Variants in CNBD2 observed in about 807,000 individuals in gnomAD.
The protein encoded by CNBD2 is cyclic nucleotide binding domain containing 2.
CNBD2 carries 64 observed loss-of-function variants against 63.7 expected under a neutral mutation model. That is an observed-to-expected ratio of 1.00 (90% CI 0.82 to 1.24). The LOEUF (loss-of-function observed/expected upper bound fraction) is 1.24, where lower values mean the gene tolerates loss of function less well. Among genes scored for constraint, CNBD2 ranks in the 50% most tolerant of loss-of-function variants. CNBD2 has a pLI of 0.00. For missense variants in CNBD2, 691 were observed against 713.5 expected, an observed-to-expected ratio of 0.97 and a Z score of 0.36; for synonymous variants, 229 against 255.4, an observed-to-expected ratio of 0.90 and a Z score of 0.99.
intron 11 of CNBD2, 150 bp downstream of exon 11, chr20:36,023,921 TC>T: frequency 3.4e-6 from 2 of 586,248 alleles, no homozygotes; most frequent in South Asian, 5.7e-5. Flanking sequence ...ATAGGCTCAA[TC>T]CTTTTGATAA....
chr20:35,977,125 CCTAT>C (rs1457039921), intron 3 of CNBD2, among the ~76,000 whole-genome samples: 1 of 152,188 alleles, frequency 6.6e-6, no homozygotes, highest in Non-Finnish European at 1.5e-5. Flanking sequence ...AAACTAGGGG[CCTAT>C]CTGAGAGCCA....
In CNBD2 at chr20:35,987,475, A is replaced by G; in HGVS notation, c.797A>G (p.Tyr266Cys). Residue 266 changes from tyrosine (Y) to cysteine (C), a missense_variant, in exon 7 of 12, where the codon TAT becomes TGT. By Grantham distance (194) the Tyr-to-Cys change is radical. Coordinates refer to ENST00000373973, the MANE Select transcript of CNBD2 (RefSeq NM_001365709.1). Reference sequence around the variant, plus strand: ...ATGGCGAAGATAGAGAGGTTCTCGTATGGGCAGCTGATCTCAAAAGATTTT... The same window carrying G: ...ATGGCGAAGATAGAGAGGTTCTCGTGTGGGCAGCTGATCTCAAAAGATTTT... ...VAMAKIERFS[Y>C]GQLISKDFGE... 1 of 1,614,226 alleles carries G rather than the reference A, an allele frequency of 6.2e-7. No individual in the cohort carries two copies. The highest frequency in any genetic ancestry group is 8.5e-7 in the Non-Finnish European group (1 of 1,180,040).
intron 10 of CNBD2, among the ~76,000 whole-genome samples, chr20:36,012,292 C>T (rs1038578804): frequency 1.3e-5 from 2 of 149,256 alleles, no homozygotes; most frequent in Non-Finnish European, 3.0e-5. Flanking sequence ...AAGAGTGAAA[C>T]TCCGTCTCCA....
chr20:35,974,617 T>G lies in CNBD2; in HGVS notation c.190-1332T>G, dbSNP rs1347749996. ...GACTGCTTCAGTAGATGTGTGAATC[T>G]GGATGTTTCTGAGCACTGCCTCTTT... On this transcript the variant is annotated intron_variant, in intron 2 of 11. Coordinates refer to ENST00000373973, the MANE Select transcript of CNBD2 (RefSeq NM_001365709.1). The G allele has an allele frequency of 5.2e-5, 8 of 153,036 alleles. No individual in the cohort carries two copies. In the Admixed American group the frequency reaches 5.2e-4, roughly 10 times the overall value. 9.5% of individuals were successfully genotyped at this position (153,036 alleles called of 1,614,324 possible).
chr20:36,006,828 C>T (rs923511436), intron 8 of CNBD2, among the ~76,000 whole-genome samples: 3 of 152,192 alleles, frequency 2.0e-5, no homozygotes, highest in African/African-American at 7.2e-5. Flanking sequence ...TCACCCTTGC[C>T]CTAGGCAACC....
intron 8 of CNBD2, among the ~76,000 whole-genome samples, chr20:36,001,950 C>A (rs1468497456): frequency 2.1e-5 from 3 of 145,086 alleles, no homozygotes; most frequent in African/African-American, 7.7e-5. Context: ...ACGTCCCAGA[C>A]GATGGGCGGC....
At chr20:35,997,354 C>CA (rs111895808) in intron 8 of CNBD2, among the ~76,000 whole-genome samples, 5,452 of 152,168 alleles carry the variant, frequency 0.036, 348 homozygotes, top group African/African-American at 0.13. Flanking sequence ...CACAGGGTGG[C>CA]GAGGAGAAGG....
In CNBD2 at chr20:35,987,283, T is replaced by C. The variant is rs960138853; in HGVS notation, c.717-112T>C. 17 of 1,225,298 alleles carry C rather than the reference T, an allele frequency of 1.4e-5. No individual in the cohort carries two copies. In the African/African-American group the frequency reaches 2.4e-4, roughly 17 times the overall value. The allele number at this position is 1,225,298 out of a possible 1,614,324, so 75.9% of individuals were successfully genotyped here. A position where few individuals can be genotyped will look rare whatever the true frequency, so the allele number is the denominator to read the frequency against. ...GGTAATTGGGCAGGTAGCAGCGAAA[T>C]CTTCCACCCAGGCATCCTCCACAGG... On this transcript the variant is annotated intron_variant, in intron 6 of 11. Coordinates refer to ENST00000373973, the MANE Select transcript of CNBD2 (RefSeq NM_001365709.1).
intron 8 of CNBD2, among the ~76,000 whole-genome samples, chr20:35,999,416 T>A (rs1321731251): frequency 6.6e-6 from 1 of 152,208 alleles, no homozygotes; most frequent in Admixed American, 6.5e-5. Flanking sequence ...TTTGTATAAT[T>A]CAATCTTATT....
chr20:36,001,738 G>A (rs1031635053), intron 8 of CNBD2, among the ~76,000 whole-genome samples: 1 of 150,538 alleles, frequency 6.6e-6, no homozygotes, highest in Non-Finnish European at 1.5e-5. Flanking sequence ...CCGGGTAGAG[G>A]CGCTCCTCAC....
intron 11 of CNBD2, among the ~76,000 whole-genome samples, chr20:36,027,083 C>T (rs1030863081): frequency 6.6e-6 from 1 of 152,208 alleles, no homozygotes; most frequent in Non-Finnish European, 1.5e-5. Flanking sequence ...TCCAGCAATC[C>T]CAGTTAGCAT....
chr20:35,981,185 C>G (rs1158308626), intron 4 of CNBD2, among the ~76,000 whole-genome samples: 1 of 152,158 alleles, frequency 6.6e-6, no homozygotes, highest in Non-Finnish European at 1.5e-5. Flanking sequence ...GGTTCTAGCT[C>G]TGACTTGATT....
chr20:36,011,562 G>A (rs1601088816), intron 10 of CNBD2, among the ~76,000 whole-genome samples: 1 of 152,086 alleles, frequency 6.6e-6, no homozygotes, highest in East Asian at 1.9e-4. Context: ...GTGTACGCCT[G>A]TAATCCCAGC....
rs545725521 is a variant in CNBD2 at position 36,022,974 on chromosome 20, G to T, written c.1270-628G>T. 3.3e-5 allele frequency among the ~76,000 whole-genome samples: 5 copies of T among 152,104 alleles called. No homozygotes were observed. The South Asian group carries it at 6.2e-4, about 19-fold the overall frequency. ...TAAGGAAGAGAAAAGAGATTTGCTC[G>T]ACAAAAACAAAAACAAAAACAAAAC... On this transcript the variant is annotated intron_variant, in intron 10 of 11. Transcript: ENST00000373973.
Position 36,009,303 on chromosome 20 carries a change from G to A in CNBD2, c.1148+829G>A, listed in dbSNP as rs1049952567. On this transcript the variant is annotated intron_variant, in intron 9 of 11. Transcript: ENST00000373973. ...TGTAAGCTCCGCCTCCCGGGTTCAC[G>A]CCATTTTCCTGCCTCAGCCTCCCGA... Among the ~76,000 whole-genome samples, 15 of 151,556 alleles carry A rather than the reference G, an allele frequency of 9.9e-5. No homozygotes were observed. The East Asian group carries it at 2.4e-3, about 24-fold the overall frequency.
intron 6 of CNBD2, among the ~76,000 whole-genome samples, chr20:35,985,824 C>T (rs1415214441): frequency 6.6e-6 from 1 of 152,128 alleles, no homozygotes; most frequent in African/African-American, 2.4e-5. Context: ...AATTTCTTTA[C>T]AGTTTATATA....
chr20:36,018,803 G>A (rs966513005), intron 10 of CNBD2, among the ~76,000 whole-genome samples: 3 of 152,226 alleles, frequency 2.0e-5, no homozygotes, highest in Admixed American at 6.5e-5. Flanking sequence ...GAGGTGGCAA[G>A]CAGCATTTCT....
At chr20:36,005,872 A>G (rs2056977102) in intron 8 of CNBD2, among the ~76,000 whole-genome samples, 2 of 151,432 alleles carry the variant, frequency 1.3e-5, no homozygotes, top group South Asian at 4.2e-4. Flanking sequence ...AATGGTGTGA[A>G]CTTGGGAGGT....
In CNBD2 at chr20:35,976,020, C is replaced by G; in HGVS notation, c.243+18C>G. 5.0e-6 allele frequency: 8 copies of G among 1,597,664 alleles called. No homozygotes were observed. Among genetic ancestry groups the G allele is most frequent in the Non-Finnish European group, 6.9e-6 (8 of 1,166,678 alleles). On this transcript the variant is annotated intron_variant, in intron 3 of 11. Transcript: ENST00000373973. ...CAGAGGAGGTATGCATAGCTCGAAA[C>G]TTGCTGTGGGGGAATTTTCTTTCTG...
Sources: gnomAD v4.1 joint callset for allele counts (sites outside exome capture counted in the v4.1 genomes callset) on GRCh38, gnomAD v4.1.1 for gene constraint, MANE v1.5 for transcripts, NCBI Gene and HGNC (gene_info 2026-07-23, HGNC 2026-07-21) for gene names.